The following NDST3 variants were observed in gnomAD, a reference collection of about 807,000 sequenced individuals.
NDST3 encodes N-deacetylase and N-sulfotransferase 3, also known as bifunctional heparan sulfate N-deacetylase/N-sulfotransferase 3.
Under a neutral mutation model 96.1 loss-of-function variants are expected in NDST3, and 58 were observed. The observed-to-expected ratio is 0.60, with a 90% CI of 0.49 to 0.75. The LOEUF is 0.75. NDST3 is among the 30% of genes least tolerant of loss of function. The pLI is 0.00. For synonymous variants in NDST3, 333 were observed against 359.7 expected (o/e 0.93, Z 0.84); for missense variants, 788 against 1,034.2 (o/e 0.76, Z 3.27).
chr4:118,218,718 AG>A (rs1168853269), intron 6 of NDST3, among the ~76,000 whole-genome samples: 2 of 152,168 alleles, frequency 1.3e-5, no homozygotes, highest in Admixed American at 6.6e-5. Context: ...AAAGAAATAA[AG>A]GGTATTCAGA....
At chr4:118,185,975 T>C (rs978367775) in intron 6 of NDST3, among the ~76,000 whole-genome samples, 2 of 152,182 alleles carry the variant, frequency 1.3e-5, no homozygotes, top group Non-Finnish European at 2.9e-5. Context: ...ATTACCATCA[T>C]AATTTTACTT....
At chr4:118,158,100 A>G (rs1734835413) in intron 6 of NDST3, among the ~76,000 whole-genome samples, 1 of 152,196 alleles carries the variant, frequency 6.6e-6, no homozygotes, top group African/African-American at 2.4e-5. Flanking sequence ...ATAATAAGAG[A>G]GAATTAGAGT....
intron 2 of NDST3, among the ~76,000 whole-genome samples, chr4:118,087,520 G>C (rs1443386979): frequency 6.6e-6 from 1 of 152,046 alleles, no homozygotes; most frequent in African/African-American, 2.4e-5. Context: ...ATTTCTCTCA[G>C]CTGTGAATAT....
At chr4:118,049,161 T>A (rs1369060210) in intron 1 of NDST3, among the ~76,000 whole-genome samples, 1 of 152,064 alleles carries the variant, frequency 6.6e-6, no homozygotes, top group Non-Finnish European at 1.5e-5. Context: ...AACCAAAAAA[T>A]TCTTTGAAAT....
At chr4:118,034,408 T>A (rs1447056075), upstream of NDST3, 2 of 152,146 alleles carry the variant, frequency 1.3e-5, no homozygotes, top group Non-Finnish European at 2.9e-5. Context: ...ACCAGCTTGG[T>A]AGCAGTTTGA....
chr4:118,144,539 T>A (rs75288221), intron 6 of NDST3, among the ~76,000 whole-genome samples: 6,967 of 150,786 alleles, frequency 0.046, 276 homozygotes, highest in African/African-American at 0.11. Flanking sequence ...CATTTGCATA[T>A]ATTTCTGCTT....
At chr4:118,041,819 T>C (rs1724482534) in intron 1 of NDST3, among the ~76,000 whole-genome samples, 1 of 152,186 alleles carries the variant, frequency 6.6e-6, no homozygotes, top group Non-Finnish European at 1.5e-5. Context: ...CATTTCTTTT[T>C]GAAAAATTTG....
At chr4:118,189,614 A>G (rs1737174729) in intron 6 of NDST3, among the ~76,000 whole-genome samples, 1 of 152,178 alleles carries the variant, frequency 6.6e-6, no homozygotes, top group Non-Finnish European at 1.5e-5. Flanking sequence ...CAATGTAATA[A>G]TTAAAAGATT....
intron 1 of NDST3, among the ~76,000 whole-genome samples, chr4:118,035,564 T>A (rs1256399196): frequency 6.6e-6 from 1 of 151,866 alleles, no homozygotes; most frequent in Non-Finnish European, 1.5e-5. Context: ...GAAGGGAATT[T>A]TTTTCCCTTT....
Position 118,229,295 on chromosome 4 carries a change from A to G in NDST3, c.1819+2313A>G, listed in dbSNP as rs1389049190. Among the ~76,000 whole-genome samples, 3 of 152,218 alleles carry G rather than the reference A, an allele frequency of 2.0e-5. No individual in the cohort carries two copies. The East Asian group carries it at 5.8e-4, about 29-fold the overall frequency. ...CAGCCTGGACAACAGAGTGGACTCC[A>G]TCTCAAAAAATAAAAAGTATTTTTC... On this transcript the variant is annotated intron_variant, in intron 8 of 13. Coordinates refer to ENST00000296499, the MANE Select transcript of NDST3 (RefSeq NM_004784.3).
chr4:118,236,981 C>A (rs1001632558), intron 9 of NDST3, 65 bp from the exon 10 acceptor site: 16 of 1,239,080 alleles, frequency 1.3e-5, no homozygotes, highest in Non-Finnish European at 9.8e-6. Context: ...ACACTTTTAA[C>A]ATCTTTGGTC....
At chr4:118,040,454 T>C (rs750949425) in intron 1 of NDST3, among the ~76,000 whole-genome samples, 44 of 152,114 alleles carry the variant, frequency 2.9e-4, no homozygotes, top group Admixed American at 2.6e-4. Context: ...TTCTTTCTTC[T>C]AAGATCCATC....
intron 2 of NDST3, among the ~76,000 whole-genome samples, chr4:118,081,237 T>G (rs768351696): frequency 1.3e-5 from 2 of 152,204 alleles, no homozygotes; most frequent in Non-Finnish European, 2.9e-5. Context: ...CCATATCTTT[T>G]ATGGCATAAA....
At chr4:118,090,130 C>T (rs915246098) in intron 2 of NDST3, among the ~76,000 whole-genome samples, 3 of 151,964 alleles carry the variant, frequency 2.0e-5, no homozygotes, top group African/African-American at 7.2e-5. Flanking sequence ...GCATTCCTTA[C>T]ATCCCCATTA....
chr4:118,161,104 T>C (rs1227524433), intron 6 of NDST3, among the ~76,000 whole-genome samples: 3 of 152,244 alleles, frequency 2.0e-5, no homozygotes, highest in Non-Finnish European at 2.9e-5. Flanking sequence ...GACCCTCAGC[T>C]AGAGGTCTGT....
chr4:118,137,888 TC>T lies in NDST3; in HGVS notation c.1225-165del, dbSNP rs1198211534. On this transcript the variant is annotated intron_variant, in intron 4 of 13. Coordinates refer to ENST00000296499, the MANE Select transcript of NDST3 (RefSeq NM_004784.3). ...GGACTGGTGAAATGGCTAACAGGCTTCATGACGTCTAGAGGTGTTAATACTT... is the reference window on the plus strand; with the variant it reads ...GGACTGGTGAAATGGCTAACAGGCTTATGACGTCTAGAGGTGTTAATACTT... 3.9e-5 allele frequency among the ~76,000 whole-genome samples: 6 copies of T among 152,314 alleles called. No individual in the cohort carries two copies. In the East Asian group the frequency reaches 5.8e-4, roughly 15 times the overall value.
At chr4:118,097,448 T>C (rs1467092283) in intron 2 of NDST3, among the ~76,000 whole-genome samples, 1 of 151,898 alleles carries the variant, frequency 6.6e-6, no homozygotes, top group Non-Finnish European at 1.5e-5. Flanking sequence ...AATTAGAAAC[T>C]ACCTTGAACT....
At chr4:118,140,848 T>C (rs972297053) in intron 5 of NDST3, among the ~76,000 whole-genome samples, 9 of 152,168 alleles carry the variant, frequency 5.9e-5, no homozygotes, top group Admixed American at 5.2e-4. Flanking sequence ...ACCTGGTCTC[T>C]CCCTTGACAT....
intron 6 of NDST3, among the ~76,000 whole-genome samples, chr4:118,192,627 GTTTCAT>G (rs1737383420): frequency 6.6e-6 from 1 of 151,576 alleles, no homozygotes; most frequent in Non-Finnish European, 1.5e-5. Context: ...TCTCTATTCT[GTTTCAT>G]TGATGTATTT....
Sources: allele counts gnomAD v4.1 joint callset (sites outside exome capture counted in the v4.1 genomes callset), GRCh38; gene constraint gnomAD v4.1.1; transcripts MANE v1.5; gene names NCBI Gene and HGNC (gene_info 2026-07-23, HGNC 2026-07-21).